ENPEP: variants seen among roughly 807,000 people sequenced by gnomAD.
ENPEP encodes the protein AP-A.
A neutral mutation model predicts 114.5 loss-of-function variants in ENPEP; 103 were observed. That is an observed-to-expected ratio of 0.90 (90% confidence interval 0.77 to 1.06). ENPEP has a LOEUF of 1.06. ENPEP is among the 50% of genes least tolerant of loss of function. The probability of loss-of-function intolerance (pLI) is 0.00; values close to 1 mark genes in which losing one functional copy is unlikely to be tolerated. For synonymous variants in ENPEP, 420 were observed against 422.0 expected, an observed-to-expected ratio of 1.00 and a Z score of 0.06; for missense variants, 1,196 against 1,161.3, an observed-to-expected ratio of 1.03 and a Z score of -0.43.
chr4:110,517,857 A>G (rs570762964), intron 8 of ENPEP, among the ~76,000 whole-genome samples: 2 of 152,352 alleles, frequency 1.3e-5, no homozygotes, highest in South Asian at 2.1e-4. Flanking sequence ...GATATGGACC[A>G]CATCCAATAA....
chr4:110,485,608 G>GT (rs1293165146), intron 1 of ENPEP, among the ~76,000 whole-genome samples: 1 of 152,154 alleles, frequency 6.6e-6, no homozygotes, highest in Admixed American at 6.5e-5. Context: ...CTTTTTGAAT[G>GT]TTTTTTCCCC....
At chr4:110,532,440 C>T (rs1038916930) in intron 11 of ENPEP, among the ~76,000 whole-genome samples, 2 of 152,142 alleles carry the variant, frequency 1.3e-5, no homozygotes, top group African/African-American at 2.4e-5. Flanking sequence ...CTACTTCATT[C>T]CTTTTTATTG....
At chr4:110,540,028 A>G (rs1360651187) in intron 11 of ENPEP, among the ~76,000 whole-genome samples, 3 of 152,144 alleles carry the variant, frequency 2.0e-5, no homozygotes, top group Non-Finnish European at 4.4e-5. Context: ...TAAAAGAAAA[A>G]AGTAAGAATT....
chr4:110,525,189 C>G (rs1726148884), intron 10 of ENPEP, among the ~76,000 whole-genome samples: 1 of 152,204 alleles, frequency 6.6e-6, no homozygotes, highest in Admixed American at 6.5e-5. Context: ...TTCTGCATAA[C>G]TAAATCGTTA....
intron 11 of ENPEP, among the ~76,000 whole-genome samples, chr4:110,531,784 T>C (rs1408472813): frequency 6.6e-6 from 1 of 152,154 alleles, no homozygotes; most frequent in Non-Finnish European, 1.5e-5. Flanking sequence ...AAATTCCAGA[T>C]TGATGAAAAA....
rs771198892 is a variant in ENPEP at position 110,476,751 on chromosome 4, G to A, written c.337G>A (p.Asp113Asn). The A allele has an allele frequency of 1.9e-5, 30 of 1,614,184 alleles. No homozygotes were observed. The South Asian group carries it at 3.2e-4, about 17-fold the overall frequency. The stretch of plus-strand genomic sequence containing the variant: ...GCACGTGAAGCCCCTGTTGGAGGAG[G>A]ACACCTACACGGGCACCGTGAGCAT... ...DLHVKPLLEE[D>N]TYTGTVSISI... The change falls in exon 1 of 20, where the codon GAC becomes AAC. Residue 113 changes from aspartate to asparagine, a missense_variant. By Grantham distance (23) the Asp-to-Asn change is conservative. Transcript: ENST00000265162.
intron 11 of ENPEP, among the ~76,000 whole-genome samples, chr4:110,540,091 G>A (rs1321110454): frequency 6.6e-6 from 1 of 152,218 alleles, no homozygotes; most frequent in East Asian, 1.9e-4. Flanking sequence ...TTTTGGCATA[G>A]ATAGAACTAA....
chr4:110,556,080 GA>G lies in ENPEP; in HGVS notation c.2642+2627del, dbSNP rs571405675. On this transcript the variant is annotated intron_variant, in intron 18 of 19. Transcript: ENST00000265162. Reference sequence around the variant, plus strand: ...AGAAATAAATATTACAGAAATTATAGAAGGTCACTGAAAACATTGTTTTATT... The same window carrying G: ...AGAAATAAATATTACAGAAATTATAGAGGTCACTGAAAACATTGTTTTATT... Among the ~76,000 whole-genome samples, 303 of 151,950 alleles carry G rather than the reference GA, an allele frequency of 2.0e-3. 3 individuals carry two copies. The highest frequency in any genetic ancestry group is 6.9e-3 in the African/African-American group (288 of 41,512).
intron 2 of ENPEP, among the ~76,000 whole-genome samples, chr4:110,489,226 G>A (rs1225367947): frequency 6.6e-6 from 1 of 151,704 alleles, no homozygotes; most frequent in African/African-American, 2.4e-5. Context: ...AAAAAAACAG[G>A]CTATAAAAAA....
chr4:110,493,767 T>C (rs1242606817), intron 3 of ENPEP, among the ~76,000 whole-genome samples: 2 of 152,146 alleles, frequency 1.3e-5, no homozygotes, highest in Admixed American at 1.3e-4. Flanking sequence ...TACAAACTGC[T>C]CCTGGTATGA....
At chr4:110,525,275 C>T (rs1273674318) in intron 10 of ENPEP, among the ~76,000 whole-genome samples, 1 of 152,160 alleles carries the variant, frequency 6.6e-6, no homozygotes, top group Non-Finnish European at 1.5e-5. Context: ...AACTCCAGTC[C>T]CGGGCCTGGC....
intron 6 of ENPEP, 24 bp from the exon 7 acceptor site, chr4:110,513,391 C>T: frequency 1.2e-6 from 2 of 1,603,434 alleles, no homozygotes; most frequent in Non-Finnish European, 1.7e-6. Flanking sequence ...TACTATATTC[C>T]TTTGGCTCAT....
At chr4:110,528,977 C>T (rs1037999059) in intron 10 of ENPEP, among the ~76,000 whole-genome samples, 2 of 152,196 alleles carry the variant, frequency 1.3e-5, no homozygotes, top group Non-Finnish European at 2.9e-5. Flanking sequence ...GCTTAGATTA[C>T]ATTAGATCAT....
At chr4:110,510,471 G>A in intron 6 of ENPEP, 113 bp downstream of exon 6, 1 of 879,206 alleles carries the variant, frequency 1.1e-6, no homozygotes, top group Non-Finnish European at 1.8e-6. Flanking sequence ...GTGGTGAGCG[G>A]GGAATTCCAC....
chr4:110,521,635 A>G (rs1725994255), intron 10 of ENPEP, among the ~76,000 whole-genome samples: 1 of 152,070 alleles, frequency 6.6e-6, no homozygotes, highest in Non-Finnish European at 1.5e-5. Flanking sequence ...TATGAGATGC[A>G]TTCAGAGATG....
intron 15 of ENPEP, 41 bp downstream of exon 15, chr4:110,549,460 T>A (rs540166459): frequency 6.2e-7 from 1 of 1,612,406 alleles, no homozygotes; most frequent in Non-Finnish European, 8.5e-7. Context: ...ATTTAACATT[T>A]GTTTTTTGTT....
At chr4:110,487,750 C>A (rs1188710240) in intron 1 of ENPEP, among the ~76,000 whole-genome samples, 1 of 151,932 alleles carries the variant, frequency 6.6e-6, no homozygotes, top group South Asian at 2.1e-4. Context: ...ATACAATATT[C>A]TTTTACTGTA....
At chr4:110,515,485 T>A (rs1725730249) in intron 8 of ENPEP, 43 bp downstream of exon 8, 12 of 1,440,940 alleles carry the variant, frequency 8.3e-6, no homozygotes, top group African/African-American at 1.4e-5. Flanking sequence ...TAAACTACAT[T>A]GATATGTGGC....
intron 14 of ENPEP, 114 bp from the exon 15 acceptor site, chr4:110,549,232 G>A (rs186214938): frequency 3.5e-6 from 3 of 850,352 alleles, no homozygotes; most frequent in Non-Finnish European, 5.6e-6. Flanking sequence ...CAAGCGCAAA[G>A]TTCTCTGAAT....
Sources: allele counts gnomAD v4.1 joint callset (sites outside exome capture counted in the v4.1 genomes callset), GRCh38; gene constraint gnomAD v4.1.1; transcripts MANE v1.5; gene names NCBI Gene and HGNC (gene_info 2026-07-23, HGNC 2026-07-21).